The following WNK1 variants were observed in gnomAD, a reference collection of about 807,000 sequenced individuals.
WNK1 encodes the protein WNK lysine deficient protein kinase 1, also known as serine/threonine-protein kinase WNK1.
In WNK1, 38 loss-of-function variants were observed where a neutral mutation model predicts 222.8. The observed-to-expected ratio is 0.17, with a 90% CI of 0.13 to 0.22. WNK1 has a LOEUF of 0.22. WNK1 is among the 10% of genes least tolerant of loss of function. The pLI, the probability that WNK1 is intolerant of heterozygous loss-of-function variation, is 1.00. For synonymous variants in WNK1, 1,090 were observed against 1,092.9 expected (o/e 1.00, Z 0.05); for missense variants, 2,348 against 2,918.4 (o/e 0.80, Z 4.50).
In WNK1 at chr12:873,536, T is replaced by C. The variant is rs181225787; in HGVS notation, c.2223+2188T>C. The stretch of plus-strand genomic sequence containing the variant: ...GTGTATTCGGTCTAGAATAATTAAC[T>C]TCTCCAAAGTCACTTAGATAATAAG... On this transcript the variant is annotated intron_variant, in intron 9 of 27. Transcript: ENST00000315939. 2.0e-4 allele frequency among the ~76,000 whole-genome samples: 31 copies of C among 152,334 alleles called. No individual in the cohort carries two copies. The East Asian group carries it at 4.2e-3, about 21-fold the overall frequency.
chr12:886,226 A>G (rs1246637083), intron 19 of WNK1, 142 bp downstream of exon 19: 3 of 756,056 alleles, frequency 4.0e-6, no homozygotes, highest in African/African-American at 3.5e-5. Flanking sequence ...AATTGACAGC[A>G]GTTTGAGGGT....
intron 1 of WNK1, among the ~76,000 whole-genome samples, chr12:793,588 A>G (rs1189710189): frequency 2.0e-5 from 3 of 152,188 alleles, no homozygotes; most frequent in Non-Finnish European, 2.9e-5. Context: ...TGTCTTCCCT[A>G]TTCTTCCTAA....
rs948030891 is a variant in WNK1 at position 867,902 on chromosome 12, A to C, written c.2140-3363A>C. 1.2e-5 allele frequency: 20 copies of C among 1,614,032 alleles called. No homozygotes were observed. Among genetic ancestry groups the C allele is most frequent in the Non-Finnish European group, 1.7e-5 (20 of 1,179,888 alleles). The stretch of plus-strand genomic sequence containing the variant: ...GGCGCATCCGTGTGGGGGGACCCCA[A>C]CATACCCAGAATCACAGATATTTTT... On this transcript the variant is annotated intron_variant, in intron 8 of 27. Coordinates refer to ENST00000315939, the MANE Select transcript of WNK1 (RefSeq NM_018979.4).
At position 837,246 on chromosome 12, in the gene WNK1, A is replaced by C. The variant is rs183476638; in HGVS notation, c.1311+7086A>C. Among the ~76,000 whole-genome samples the C allele has an allele frequency of 2.0e-5, 3 of 152,310 alleles. No homozygotes were observed. In the East Asian group the frequency reaches 5.8e-4, roughly 29 times the overall value. On this transcript the variant is annotated intron_variant, in intron 4 of 27. Transcript: ENST00000315939. Reference sequence around the variant, plus strand: ...TTGGTTACAGCTTGCTGTTTGCCTTATTTGAACACTCAGCAATGTATGAGT... The same window carrying C: ...TTGGTTACAGCTTGCTGTTTGCCTTCTTTGAACACTCAGCAATGTATGAGT...
intron 1 of WNK1, among the ~76,000 whole-genome samples, chr12:756,631 C>T (rs1400685192): frequency 6.6e-6 from 1 of 152,108 alleles, no homozygotes; most frequent in East Asian, 1.9e-4. Flanking sequence ...CTGAAAAATC[C>T]TTTATAGCAG....
At chr12:791,466 T>C (rs1944831733) in intron 1 of WNK1, among the ~76,000 whole-genome samples, 2 of 152,146 alleles carry the variant, frequency 1.3e-5, no homozygotes, top group South Asian at 4.1e-4. Context: ...TGGTTCTTTA[T>C]CTAAAACGTA....
chr12:866,681 A>G (rs866500588), intron 8 of WNK1, among the ~76,000 whole-genome samples: 10 of 152,000 alleles, frequency 6.6e-5, no homozygotes, highest in African/African-American at 2.4e-4. Context: ...ATTATAGTGT[A>G]TATTGTTTGC....
chr12:811,382 A>G (rs1946891390), intron 1 of WNK1, among the ~76,000 whole-genome samples: 1 of 152,130 alleles, frequency 6.6e-6, no homozygotes, highest in Non-Finnish European at 1.5e-5. Flanking sequence ...TTTGCAAAAT[A>G]TTTAGGGTTT....
In WNK1 at chr12:880,642, T is replaced by A. The variant is rs1953061697; in HGVS notation, c.2833-79T>A. 6.2e-6 allele frequency: 9 copies of A among 1,457,162 alleles called. No homozygotes were observed. The East Asian group carries it at 2.0e-4, about 33-fold the overall frequency. The allele number at this position is 1,457,162 out of a possible 1,614,324, so 90.3% of individuals were successfully genotyped here. On this transcript the variant is annotated intron_variant, in intron 11 of 27. Coordinates refer to ENST00000315939, the MANE Select transcript of WNK1 (RefSeq NM_018979.4). ...TTCTTTGCTGTGTGCTTCTTTTTTT[T>A]TTTTTTGCATGTCTTGCTGTTTTGC...
At chr12:807,880 T>C (rs1402245812) in intron 1 of WNK1, among the ~76,000 whole-genome samples, 7 of 151,842 alleles carry the variant, frequency 4.6e-5, no homozygotes, top group Admixed American at 1.3e-4. Flanking sequence ...CCACTACGCC[T>C]GGCTAATTTT....
chr12:879,295 C>T (rs1952906908), intron 10 of WNK1, among the ~76,000 whole-genome samples: 1 of 151,696 alleles, frequency 6.6e-6, no homozygotes, highest in Non-Finnish European at 1.5e-5. Flanking sequence ...TCTTCTATTG[C>T]CAAATGCTGA....
chr12:783,127 C>A (rs1943896334), intron 1 of WNK1, among the ~76,000 whole-genome samples: 1 of 151,794 alleles, frequency 6.6e-6, no homozygotes, highest in Non-Finnish European at 1.5e-5. Flanking sequence ...GTTACCCACA[C>A]TGGTCTCGAA....
chr12:837,920 T>C (rs1565499209), intron 4 of WNK1, among the ~76,000 whole-genome samples: 1 of 152,210 alleles, frequency 6.6e-6, no homozygotes, highest in Non-Finnish European at 1.5e-5. Flanking sequence ...TTTATGTCAC[T>C]ATAGGTTTTT....
At chr12:864,015 A>C (rs528460631) in intron 8 of WNK1, among the ~76,000 whole-genome samples, 2 of 152,246 alleles carry the variant, frequency 1.3e-5, no homozygotes, top group African/African-American at 4.8e-5. Flanking sequence ...ACAACATCTA[A>C]AAGGAAAATA....
At chr12:852,374 GA>G (rs1299955016) in intron 4 of WNK1, among the ~76,000 whole-genome samples, 2 of 152,048 alleles carry the variant, frequency 1.3e-5, no homozygotes, top group Non-Finnish European at 2.9e-5. Flanking sequence ...GTTTTGTAAT[GA>G]GTGTACAATA....
At chr12:837,368 G>GT (rs1196960332) in intron 4 of WNK1, among the ~76,000 whole-genome samples, 3 of 152,280 alleles carry the variant, frequency 2.0e-5, no homozygotes, top group Admixed American at 6.5e-5. Context: ...GAGGCCAGGA[G>GT]TTTGAGACCA....
chr12:757,418 T>A lies in WNK1; in HGVS notation c.759+3094T>A, dbSNP rs1307161691. 1.2e-4 allele frequency among the ~76,000 whole-genome samples: 17 copies of A among 145,270 alleles called. 1 individual carries two copies. ...TGAGCTCACTGCAACCTCCGCCTCCTGGGTTCAAGCGATTCTCCTGCCTCA... is the reference window on the plus strand; with the variant it reads ...TGAGCTCACTGCAACCTCCGCCTCCAGGGTTCAAGCGATTCTCCTGCCTCA... On this transcript the variant is annotated intron_variant, in intron 1 of 27. Coordinates refer to ENST00000315939, the MANE Select transcript of WNK1 (RefSeq NM_018979.4).
chr12:833,183 T>C (rs1948935387), intron 4 of WNK1, among the ~76,000 whole-genome samples: 1 of 152,216 alleles, frequency 6.6e-6, no homozygotes, highest in Non-Finnish European at 1.5e-5. Context: ...ACCTCTTAGA[T>C]GCAAGCCTTC....
Position 853,734 on chromosome 12 carries a change from T to A in WNK1, c.1312-3427T>A, listed in dbSNP as rs536227158. On this transcript the variant is annotated intron_variant, in intron 4 of 27. Coordinates refer to ENST00000315939, the MANE Select transcript of WNK1 (RefSeq NM_018979.4). Reference sequence around the variant, plus strand: ...GTAGGCTACATACATTCCCTTGAAATGTATGTGCTTATGGAAGAAGGAACT... The same window carrying A: ...GTAGGCTACATACATTCCCTTGAAAAGTATGTGCTTATGGAAGAAGGAACT... 3.9e-5 allele frequency among the ~76,000 whole-genome samples: 6 copies of A among 152,310 alleles called. No individual in the cohort carries two copies. In the South Asian group the frequency reaches 1.2e-3, roughly 32 times the overall value.
Sources: allele counts gnomAD v4.1 joint callset (sites outside exome capture counted in the v4.1 genomes callset), GRCh38; gene constraint gnomAD v4.1.1; transcripts MANE v1.5; gene names NCBI Gene and HGNC (gene_info 2026-07-23, HGNC 2026-07-21).